Variants in ZNF496 observed in about 807,000 individuals in gnomAD.
The protein encoded by ZNF496 is zinc finger protein 496.
ZNF496 carries 11 observed loss-of-function variants against 58.9 expected under a neutral mutation model. That is an observed-to-expected ratio of 0.19 (90% CI 0.12 to 0.31). The LOEUF (loss-of-function observed/expected upper bound fraction) is 0.31, where lower values mean the gene tolerates loss of function less well. Among genes scored for constraint, ZNF496 ranks in the 10% least tolerant of loss-of-function variants. The pLI is 1.00. For synonymous variants in ZNF496, 338 were observed against 318.2 expected (o/e 1.06, Z -0.66); for missense variants, 660 against 783.0 (o/e 0.84, Z 1.88).
chr1:247,327,905 C>G (rs1234256151), intron 5 of ZNF496, among the ~76,000 whole-genome samples: 1 of 152,136 alleles, frequency 6.6e-6, no homozygotes, highest in Non-Finnish European at 1.5e-5. Flanking sequence ...TTCCTTCAAC[C>G]CAAGGGCGCT....
chr1:247,323,294 C>T, intron 5 of ZNF496, 64 bp from the exon 6 acceptor site: 1 of 1,206,582 alleles, frequency 8.3e-7, no homozygotes, highest in Non-Finnish European at 1.2e-6. Context: ...CTGATACCTT[C>T]TGAGCTTCCT....
chr1:247,330,314 C>T (rs1395491559), intron 2 of ZNF496, among the ~76,000 whole-genome samples: 1 of 152,214 alleles, frequency 6.6e-6, no homozygotes, highest in Non-Finnish European at 1.5e-5. Flanking sequence ...TCAGTGGTTT[C>T]CTATGAGCCT....
chr1:247,331,521 C>G lies in ZNF496; in HGVS notation c.-243G>C, dbSNP rs1660327653. On this transcript the variant is annotated 5_prime_UTR_variant, in exon 2 of 10. Coordinates refer to ENST00000682384, the MANE Select transcript of ZNF496 (RefSeq NM_032752.3). ...GGCAGCCGTCCTCATCCTCCCAGCC[C>G]GCCCGGCCGGGCGTACTCGCTGAGG... The G allele has an allele frequency of 6.6e-6, 1 of 152,274 alleles. No homozygotes were observed. Among genetic ancestry groups the G allele is most frequent in the African/African-American group, 2.4e-5 (1 of 41,444 alleles). 9.4% of individuals were successfully genotyped at this position (152,274 alleles called of 1,614,324 possible).
At chr1:247,328,957 A>AAAG (rs1558159461) in intron 4 of ZNF496, 91 bp from the exon 5 acceptor site, 1 of 1,484,550 alleles carries the variant, frequency 6.7e-7, no homozygotes, top group Non-Finnish European at 9.0e-7. Flanking sequence ...GCTGACCATC[A>AAAG]AAGGCTCAAC....
chr1:247,302,347 C>T (rs906195292), intron 9 of ZNF496, among the ~76,000 whole-genome samples: 1 of 151,796 alleles, frequency 6.6e-6, no homozygotes, highest in East Asian at 1.9e-4. Flanking sequence ...ATGGTGGAAG[C>T]GGAGGGGGCA....
rs116425574 is a variant in ZNF496, at chr1:247,329,090, C to T, written c.390+99G>A. On this transcript the variant is annotated intron_variant, in intron 4 of 9. Transcript: ENST00000682384. This position sits in a 1 kb window ranked among gnomAD's most constrained non-coding sequence, Gnocchi z 5.5. ...GGACCTAACCAAAGTAAATGGCTCT[C>T]GATGGAACTCCTCATTCCCCAGCCA... 1.8e-3 allele frequency: 2,862 copies of T among 1,572,014 alleles called. 41 individuals carry two copies. In the African/African-American group the frequency reaches 0.028, roughly 15 times the overall value.
chr1:247,300,564 G>A lies in ZNF496; in HGVS notation c.1719C>T (p.Arg573=). ...TQNYDLLRHE[R]LHMKRRSKQA... is the part of the protein sequence containing the mutation. ...GCTTGGAACGGCGCTTCATGTGCAG[G>A]CGCTCGTGGCGGAGGAGGTCATAGT... The change falls in exon 10 of 10, where the codon CGC becomes CGT. Residue 573 remains arginine, a synonymous_variant. Transcript: ENST00000682384. The surrounding 1 kb of genome is among the most constrained non-coding windows in gnomAD (Gnocchi z 5.7). 2 of 1,612,544 alleles carry A rather than the reference G, an allele frequency of 1.2e-6. No individual in the cohort carries two copies. The highest frequency in any genetic ancestry group is 1.1e-5 in the South Asian group (1 of 91,046).
chr1:247,316,150 GT>G (rs1659762282), intron 6 of ZNF496, among the ~76,000 whole-genome samples: 1 of 137,718 alleles, frequency 7.3e-6, no homozygotes, highest in African/African-American at 2.6e-5. Context: ...GTGTGTGTGT[GT>G]GTGTGTGTGT....
At chr1:247,321,472 T>A (rs1041072891) in intron 6 of ZNF496, among the ~76,000 whole-genome samples, 1 of 152,120 alleles carries the variant, frequency 6.6e-6, no homozygotes, top group Non-Finnish European at 1.5e-5. Flanking sequence ...TTAACACCAC[T>A]GAACCGCACA....
At chr1:247,314,352 T>C (rs1000904653) in intron 6 of ZNF496, among the ~76,000 whole-genome samples, 1 of 151,180 alleles carries the variant, frequency 6.6e-6, no homozygotes, top group African/African-American at 2.5e-5. Context: ...CCATGGTGCC[T>C]GGCCTAATTT....
rs779932930 is a variant in ZNF496 at position 247,300,680 on chromosome 1, C to T, written c.1603G>A (p.Asp535Asn). The T allele has an allele frequency of 8.1e-6, 13 of 1,614,034 alleles. No homozygotes were observed. Among genetic ancestry groups the T allele is most frequent in the East Asian group, 2.2e-5 (1 of 44,874 alleles). Residue 535 changes from aspartate to asparagine, a missense_variant, in exon 10 of 10, where the codon GAC becomes AAC. Transcript: ENST00000682384. This position sits in a 1 kb window ranked among gnomAD's most constrained non-coding sequence, Gnocchi z 5.7. ...CECGKAFQRH[D>N]HLARHRSHFH... ...TGGCTGCGGTGCCGAGCCAGGTGGT[C>T]GTGCCGCTGGAAGGCCTTCCCACAC...
chr1:247,305,505 T>C (rs879719882), intron 9 of ZNF496, among the ~76,000 whole-genome samples: 3 of 152,202 alleles, frequency 2.0e-5, no homozygotes, highest in Admixed American at 2.0e-4. Flanking sequence ...CAAGTGCTTG[T>C]TGCAGGCGGA....
intron 5 of ZNF496, among the ~76,000 whole-genome samples, chr1:247,323,833 G>A (rs577526444): frequency 1.3e-5 from 2 of 152,030 alleles, no homozygotes; most frequent in Non-Finnish European, 2.9e-5. Flanking sequence ...GACTCTTAGG[G>A]TCTGGATGTG....
intron 6 of ZNF496, chr1:247,322,952 C>T (rs1235968394): frequency 2.8e-6 from 2 of 716,406 alleles, no homozygotes; most frequent in Admixed American, 5.7e-5. Context: ...TGACAGTAGA[C>T]CCAGTGGGCG....
rs1437795655 is a variant in ZNF496 at position 247,298,957 on chromosome 1, G to A, written c.*1562C>T. 4.6e-5 allele frequency: 7 copies of A among 152,180 alleles called. No individual in the cohort carries two copies. The highest frequency in any genetic ancestry group is 1.4e-4 in the African/African-American group (6 of 41,416). The allele number at this position is 152,180 out of a possible 1,614,324, so 9.4% of individuals were successfully genotyped here. A position where few individuals can be genotyped will look rare whatever the true frequency, so the allele number is the denominator to read the frequency against. On this transcript the variant is annotated 3_prime_UTR_variant, in exon 10 of 10. Coordinates refer to ENST00000682384, the MANE Select transcript of ZNF496 (RefSeq NM_032752.3). Reference sequence around the variant, plus strand: ...GGAAGGGGAATTTGTCAGCGTTTACGGCTATTGAGTATGATTCTTCCATGC... The same window carrying A: ...GGAAGGGGAATTTGTCAGCGTTTACAGCTATTGAGTATGATTCTTCCATGC...
At chr1:247,322,909 T>C (rs889111028) in intron 6 of ZNF496, 5 of 872,468 alleles carry the variant, frequency 5.7e-6, no homozygotes, top group African/African-American at 1.7e-5. Context: ...TTTCCTGCTA[T>C]CGTCTGCACA....
Position 247,316,311 on chromosome 1 carries a change from T to C in ZNF496, c.652-5855A>G, listed in dbSNP as rs556056265. ...CAACAGATTTGGATGCTTTTTCCTT[T>C]GAGCCTTGGTTAGGTGTTTGAGGAT... On this transcript the variant is annotated intron_variant, in intron 6 of 9. Transcript: ENST00000682384. Among the ~76,000 whole-genome samples the C allele has an allele frequency of 2.0e-5, 3 of 150,536 alleles. No individual in the cohort carries two copies. In the South Asian group the frequency reaches 6.3e-4, roughly 32 times the overall value.
intron 6 of ZNF496, among the ~76,000 whole-genome samples, chr1:247,316,263 G>GA (rs1157925492): frequency 1.3e-5 from 2 of 151,442 alleles, no homozygotes; most frequent in Admixed American, 6.6e-5. Flanking sequence ...GGTCCCGAGG[G>GA]AAAAACTGAG....
rs1659487711 is a variant in ZNF496 at position 247,308,453 on chromosome 1, T to C, written c.1006+22A>G. The C allele has an allele frequency of 6.2e-7, 1 of 1,607,768 alleles. No individual in the cohort carries two copies. Among genetic ancestry groups the C allele is most frequent in the Non-Finnish European group, 8.5e-7 (1 of 1,174,296 alleles). ...CCACAGACACACAGGGACAAACCCA[T>C]ACCTCCCTGACCCTTCTTTACCTGG... On this transcript the variant is annotated intron_variant, in intron 9 of 9. Coordinates refer to ENST00000682384, the MANE Select transcript of ZNF496 (RefSeq NM_032752.3). The surrounding 1 kb of genome is among the most constrained non-coding windows in gnomAD (Gnocchi z 4.5).
Sources: gnomAD v4.1 joint callset for allele counts (sites outside exome capture counted in the v4.1 genomes callset) on GRCh38, gnomAD v4.1.1 for gene constraint, Gnocchi (gnomAD v3.1) non-coding constraint, MANE v1.5 for transcripts, NCBI Gene and HGNC (gene_info 2026-07-23, HGNC 2026-07-21) for gene names.